Variants in SCAMP5 observed in about 807,000 individuals in gnomAD.
SCAMP5 encodes secretory carrier membrane protein 5, also known as secretory carrier-associated membrane protein 5.
In SCAMP5, 7 loss-of-function variants were observed where a neutral mutation model predicts 28.3. The ratio of observed to expected loss-of-function variants is 0.25; its 90% CI spans 0.14 to 0.46. The LOEUF (loss-of-function observed/expected upper bound fraction) is 0.46. Among genes scored for constraint, SCAMP5 ranks in the 20% least tolerant of loss-of-function variants. SCAMP5 has a pLI of 0.99. For missense variants in SCAMP5, 192 were observed against 312.5 expected, an observed-to-expected ratio of 0.61 and a Z score of 2.91; for synonymous variants, 117 against 116.4, an observed-to-expected ratio of 1.00 and a Z score of -0.03.
At chr15:75,004,972 G>A (rs866858316) in intron 1 of SCAMP5, among the ~76,000 whole-genome samples, 1 of 152,044 alleles carries the variant, frequency 6.6e-6, no homozygotes. Context: ...GTCAAGAGAT[G>A]GAGACCATCC....
In SCAMP5 at chr15:75,018,002, C is replaced by A; in HGVS notation, c.395+31C>A. 4 of 1,416,804 alleles carry A rather than the reference C, an allele frequency of 2.8e-6. No homozygotes were observed. Among genetic ancestry groups the A allele is most frequent in the Admixed American group, 1.7e-5 (1 of 59,458 alleles). The allele number at this position is 1,416,804 out of a possible 1,614,324, so 87.8% of individuals were successfully genotyped here. ...AGGCAGGGGTGTGGCCTGGGGCTGGCAGGGGTGGCGTTGTGGGTGTATCTT... is the reference window on the plus strand; with the variant it reads ...AGGCAGGGGTGTGGCCTGGGGCTGGAAGGGGTGGCGTTGTGGGTGTATCTT... On this transcript the variant is annotated intron_variant, in intron 5 of 6. Transcript: ENST00000425597. The surrounding 1 kb of genome is among the most constrained non-coding windows in gnomAD (Gnocchi z 5.6).
At chr15:75,000,311 C>G (rs1251934838) in intron 1 of SCAMP5, among the ~76,000 whole-genome samples, 2 of 152,176 alleles carry the variant, frequency 1.3e-5, no homozygotes, top group Non-Finnish European at 2.9e-5. Context: ...GCTCACAATC[C>G]TCCCACCTCA....
Position 75,011,755 on chromosome 15 carries a change from C to T in SCAMP5, c.-48-37C>T. 5 of 1,267,312 alleles carry T rather than the reference C, an allele frequency of 3.9e-6. No individual in the cohort carries two copies. The Admixed American group carries it at 8.7e-5, about 22-fold the overall frequency. 78.5% of individuals were successfully genotyped at this position (1,267,312 alleles called of 1,614,324 possible). On this transcript the variant is annotated intron_variant, in intron 1 of 6. Transcript: ENST00000425597. ...GAGAGGGACTGGGTTGGGTGTGGCCCTGATCTCATCCTTCTCTGGCTTTTC... is the reference window on the plus strand; with the variant it reads ...GAGAGGGACTGGGTTGGGTGTGGCCTTGATCTCATCCTTCTCTGGCTTTTC...
intron 1 of SCAMP5, among the ~76,000 whole-genome samples, chr15:75,010,672 T>C (rs1256810440): frequency 6.6e-6 from 1 of 152,086 alleles, no homozygotes; most frequent in Admixed American, 6.6e-5. Context: ...ATTAGCATGG[T>C]AGTCTGTCCC....
At chr15:75,011,213 G>GT (rs35875065) in intron 1 of SCAMP5, among the ~76,000 whole-genome samples, 45,609 of 151,452 alleles carry the variant, frequency 0.3, 7,820 homozygotes, top group South Asian at 0.58. Context: ...CTCAAAAAAA[G>GT]TTTTTTAATT....
intron 3 of SCAMP5, 147 bp downstream of exon 3, chr15:75,012,952 C>A: frequency 1.4e-6 from 1 of 739,670 alleles, no homozygotes; most frequent in Non-Finnish European, 2.2e-6. Flanking sequence ...TCTTCCCCTG[C>A]CAGGCTCCCA....
At chr15:75,016,828 TC>T in intron 4 of SCAMP5, 79 bp downstream of exon 4, 7 of 1,219,244 alleles carry the variant, frequency 5.7e-6, no homozygotes, top group Non-Finnish European at 7.8e-6. Context: ...TTTTCTCACT[TC>T]TTTTTTTTTT....
chr15:75,012,356 C>A (rs565556931), intron 2 of SCAMP5, among the ~76,000 whole-genome samples: 85 of 152,342 alleles, frequency 5.6e-4, no homozygotes, highest in South Asian at 1.5e-3. Flanking sequence ...CTCACACATC[C>A]GCTTCTTCTG....
Position 75,018,835 on chromosome 15 carries a change from A to G in SCAMP5, c.560A>G (p.Gln187Arg), listed in dbSNP as rs1229801621. The G allele has an allele frequency of 1.2e-6, 2 of 1,602,154 alleles. No homozygotes were observed. Among genetic ancestry groups the G allele is most frequent in the African/African-American group, 2.7e-5 (2 of 73,744 alleles). The change falls in exon 7 of 7, where the codon CAG becomes CGG. Residue 187 changes from glutamine (Q) to arginine (R), a missense_variant. By Grantham distance (43) the Gln-to-Arg change is conservative. Transcript: ENST00000425597. The surrounding 1 kb of genome is among the most constrained non-coding windows in gnomAD (Gnocchi z 5.6). ...RGSGGSFSKAQEEWTTGAWKN... is the reference protein window; with the variant it reads ...RGSGGSFSKAREEWTTGAWKN... ...AGTGGGGGGAGTTTCAGCAAAGCTC[A>G]GGAGGAGTGGACCACAGGGGCCTGG...
At chr15:75,004,679 G>A (rs866588861) in intron 1 of SCAMP5, among the ~76,000 whole-genome samples, 34 of 151,952 alleles carry the variant, frequency 2.2e-4, no homozygotes, top group African/African-American at 6.8e-4. Flanking sequence ...GCAGTGAGCT[G>A]TGATTGTGCT....
At position 75,016,798 on chromosome 15, in the gene SCAMP5, C is replaced by T. The variant is rs766116117; in HGVS notation, c.293+49C>T. 9 of 1,487,706 alleles carry T rather than the reference C, an allele frequency of 6.0e-6. No individual in the cohort carries two copies. The African/African-American group carries it at 1.0e-4, about 16-fold the overall frequency. 92.2% of individuals were successfully genotyped at this position (1,487,706 alleles called of 1,614,324 possible). On this transcript the variant is annotated intron_variant, in intron 4 of 6. Coordinates refer to ENST00000425597, the MANE Select transcript of SCAMP5 (RefSeq NM_138967.4). ...GTGCCTAGCCGTCTCTGCCCATCTC[C>T]CCTGTCTCTTCTCCATATCTTTTCT...
intron 1 of SCAMP5, among the ~76,000 whole-genome samples, chr15:75,001,772 A>T (rs1270446653): frequency 2.1e-5 from 3 of 145,990 alleles, no homozygotes; most frequent in Non-Finnish European, 4.5e-5. Flanking sequence ...CGGGATGCTG[A>T]GGCAGGAGAA....
In SCAMP5 at chr15:75,018,592, A is replaced by G. The variant is rs1372396022; in HGVS notation, c.513+57A>G. ...CTTTGGGAAGGGGCCATGTTCTGAA[A>G]CAAGCCCTCCTCCAAGTTGCAAGAG... On this transcript the variant is annotated intron_variant, in intron 6 of 6. Coordinates refer to ENST00000425597, the MANE Select transcript of SCAMP5 (RefSeq NM_138967.4). This position sits in a 1 kb window ranked among gnomAD's most constrained non-coding sequence, Gnocchi z 5.6. 2.3e-6 allele frequency: 3 copies of G among 1,280,342 alleles called. No individual in the cohort carries two copies. Among genetic ancestry groups the G allele is most frequent in the Non-Finnish European group, 3.4e-6 (3 of 875,710 alleles). The allele number at this position is 1,280,342 out of a possible 1,614,324, so 79.3% of individuals were successfully genotyped here.
At position 75,018,011 on chromosome 15, in the gene SCAMP5, C is replaced by T. The variant is rs775417144; in HGVS notation, c.395+40C>T. 1.0e-5 allele frequency: 13 copies of T among 1,289,990 alleles called. No homozygotes were observed. The highest frequency in any genetic ancestry group is 4.8e-5 in the South Asian group (4 of 83,742). 79.9% of individuals were successfully genotyped at this position (1,289,990 alleles called of 1,614,324 possible). A position where few individuals can be genotyped will look rare whatever the true frequency, so the allele number is the denominator to read the frequency against. ...TGTGGCCTGGGGCTGGCAGGGGTGG[C>T]GTTGTGGGTGTATCTTTTGCTTACC... On this transcript the variant is annotated intron_variant, in intron 5 of 6. Coordinates refer to ENST00000425597, the MANE Select transcript of SCAMP5 (RefSeq NM_138967.4). The surrounding 1 kb of genome is among the most constrained non-coding windows in gnomAD (Gnocchi z 5.6).
rs1197175570 is a variant in SCAMP5, at chr15:75,020,891, C to T, written c.*1908C>T. 2.0e-5 allele frequency: 3 copies of T among 152,210 alleles called. No individual in the cohort carries two copies. Among genetic ancestry groups the T allele is most frequent in the Admixed American group, 6.5e-5 (1 of 15,272 alleles). The allele number at this position is 152,210 out of a possible 1,614,324, so 9.4% of individuals were successfully genotyped here. On this transcript the variant is annotated 3_prime_UTR_variant, in exon 7 of 7. Coordinates refer to ENST00000425597, the MANE Select transcript of SCAMP5 (RefSeq NM_138967.4). ...GGGCACAAAATATAATTGCCTCTCC[C>T]CTCTCCCATTTTCTCTCTTGGGAGC...
intron 3 of SCAMP5, chr15:75,013,125 C>A: frequency 3.7e-6 from 1 of 273,626 alleles, no homozygotes; most frequent in East Asian, 7.9e-5. Context: ...CTTCCCCTTT[C>A]CCTTCCACTG....
At chr15:75,000,655 A>G in intron 1 of SCAMP5, among the ~76,000 whole-genome samples, 1 of 143,134 alleles carries the variant, frequency 7.0e-6, no homozygotes, top group African/African-American at 2.5e-5. Context: ...GAGTGCTAGG[A>G]TTACAGGCGT....
chr15:75,005,787 C>T (rs1278970594), intron 1 of SCAMP5, among the ~76,000 whole-genome samples: 3 of 151,742 alleles, frequency 2.0e-5, no homozygotes, highest in African/African-American at 4.8e-5. Context: ...TGCAGTGGCG[C>T]GATCTCGTCT....
At position 75,011,025 on chromosome 15, in the gene SCAMP5, G is replaced by A. The variant is rs545444072; in HGVS notation, c.-48-767G>A. Among the ~76,000 whole-genome samples, 149 of 152,186 alleles carry A rather than the reference G, an allele frequency of 9.8e-4. 1 individual carries two copies. Among genetic ancestry groups the A allele is most frequent in the African/African-American group, 3.3e-3 (135 of 41,534 alleles). ...TTCAAATTAGCCTGGGCGATATGGC[G>A]AAACTTAATCTCTACAAAAAAATAT... is the stretch of plus-strand genomic sequence containing the variant. On this transcript the variant is annotated intron_variant, in intron 1 of 6. Transcript: ENST00000425597.
Sources: gnomAD v4.1 joint callset for allele counts (sites outside exome capture counted in the v4.1 genomes callset) on GRCh38, gnomAD v4.1.1 for gene constraint, Gnocchi (gnomAD v3.1) non-coding constraint, MANE v1.5 for transcripts, NCBI Gene and HGNC (gene_info 2026-07-23, HGNC 2026-07-21) for gene names.